Variants in GRM5 observed in about 807,000 individuals in gnomAD.
GRM5 encodes the protein glutamate metabotropic receptor 5, also known as metabotropic glutamate receptor 5.
In GRM5, 19 loss-of-function variants were observed where a neutral mutation model predicts 83.1. The ratio of observed to expected loss-of-function variants is 0.23; its 90% CI spans 0.16 to 0.34. The LOEUF (loss-of-function observed/expected upper bound fraction) is 0.34, where lower values mean the gene tolerates loss of function less well. GRM5 is among the 10% of genes least tolerant of loss of function. The pLI is 1.00. For missense variants in GRM5, 1,160 were observed against 1,588.3 expected (o/e 0.73, Z 4.58); for synonymous variants, 675 against 633.6 (o/e 1.07, Z -0.98).
intron 2 of GRM5, among the ~76,000 whole-genome samples, chr11:88,962,573 C>G (rs1938818614): frequency 6.6e-6 from 1 of 152,192 alleles, no homozygotes; most frequent in South Asian, 2.1e-4. Flanking sequence ...TGACATCTAT[C>G]CATTAATTCT....
At chr11:88,933,454 C>A (rs1274288195) in intron 2 of GRM5, among the ~76,000 whole-genome samples, 1 of 151,796 alleles carries the variant, frequency 6.6e-6, no homozygotes, top group East Asian at 1.9e-4. Flanking sequence ...TAAAAGCAAT[C>A]TCAACTGCTC....
Position 88,585,047 on chromosome 11 carries a change from G to A in GRM5, c.1690+5554C>T, listed in dbSNP as rs1302668230. Among the ~76,000 whole-genome samples the A allele has an allele frequency of 2.6e-5, 4 of 152,292 alleles. No homozygotes were observed. In the East Asian group the frequency reaches 5.8e-4, roughly 22 times the overall value. On this transcript the variant is annotated intron_variant, in intron 7 of 9. Transcript: ENST00000305447. The stretch of plus-strand genomic sequence containing the variant: ...AGCAGGTCATAAGACCCTCATGTGA[G>A]AGGTGCCCTTCTTAGACCTGGAGGG...
At chr11:88,538,471 A>C (rs557812483) in intron 8 of GRM5, among the ~76,000 whole-genome samples, 5 of 152,212 alleles carry the variant, frequency 3.3e-5, no homozygotes, top group Non-Finnish European at 7.4e-5. Flanking sequence ...AACTATAAGA[A>C]GGGTCTCCAT....
chr11:88,508,625 TATG>T lies in GRM5; in HGVS notation c.3603_3605del (p.Ile1202del). On this transcript the variant is annotated inframe_deletion, in exon 10 of 10. Coordinates refer to ENST00000305447, the MANE Select transcript of GRM5 (RefSeq NM_001143831.3). This position sits in a 1 kb window ranked among gnomAD's most constrained non-coding sequence, Gnocchi z 4.2. ...ACGAGGAGCTCTGAGTGTAATCTCTTATGATAAGAGTGTCATATTTGGGAGACG... is the reference window on the plus strand; with the variant it reads ...ACGAGGAGCTCTGAGTGTAATCTCTTATAAGAGTGTCATATTTGGGAGACG... The T allele has an allele frequency of 6.2e-7, 1 of 1,610,572 alleles. No individual in the cohort carries two copies. The highest frequency in any genetic ancestry group is 8.5e-7 in the Non-Finnish European group (1 of 1,178,504).
intron 2 of GRM5, among the ~76,000 whole-genome samples, chr11:88,958,423 C>T: frequency 6.6e-6 from 1 of 151,542 alleles, no homozygotes; most frequent in East Asian, 1.9e-4. Flanking sequence ...AAAAGAATTA[C>T]AAAAACAACT....
chr11:88,666,332 T>C (rs1360572686), intron 3 of GRM5, among the ~76,000 whole-genome samples: 1 of 152,216 alleles, frequency 6.6e-6, no homozygotes, highest in Non-Finnish European at 1.5e-5. Context: ...GTGAGGGCTT[T>C]TGTGCTGTAT....
chr11:89,046,868 G>A (rs2135150308), intron 2 of GRM5, among the ~76,000 whole-genome samples: 1 of 152,246 alleles, frequency 6.6e-6, no homozygotes, highest in South Asian at 2.1e-4. Context: ...ACAAAAATAT[G>A]AGGTGTTCAA....
At chr11:88,820,290 G>A (rs1312318139) in intron 3 of GRM5, among the ~76,000 whole-genome samples, 4 of 143,570 alleles carry the variant, frequency 2.8e-5, no homozygotes, top group African/African-American at 1.1e-4. Context: ...CAGGAGAATG[G>A]TGTGAACCCG....
chr11:88,583,576 T>A (rs1432867144), intron 7 of GRM5, among the ~76,000 whole-genome samples: 1 of 152,240 alleles, frequency 6.6e-6, no homozygotes, highest in Non-Finnish European at 1.5e-5. Context: ...TCTTTCCTTT[T>A]ACTTAGTTTA....
At chr11:89,016,464 T>C (rs1313771612) in intron 2 of GRM5, among the ~76,000 whole-genome samples, 1 of 152,092 alleles carries the variant, frequency 6.6e-6, no homozygotes, top group Non-Finnish European at 1.5e-5. Context: ...AATAATAGTC[T>C]TATAGAAAGA....
intron 2 of GRM5, among the ~76,000 whole-genome samples, chr11:88,864,185 G>A (rs1331369169): frequency 6.7e-6 from 1 of 149,674 alleles, no homozygotes; most frequent in African/African-American, 2.5e-5. Flanking sequence ...CTACAGTTGA[G>A]GCTATATGAT....
intron 3 of GRM5, among the ~76,000 whole-genome samples, chr11:88,760,669 CA>C (rs924898302): frequency 6.6e-6 from 1 of 151,894 alleles, no homozygotes; most frequent in African/African-American, 2.4e-5. Context: ...GAAACTATTT[CA>C]AAAAATTGAG....
intron 3 of GRM5, among the ~76,000 whole-genome samples, chr11:88,660,127 G>T (rs1005424112): frequency 6.6e-6 from 1 of 152,156 alleles, no homozygotes; most frequent in Admixed American, 6.5e-5. Flanking sequence ...GCCTGAATGG[G>T]CATTGCCAGC....
chr11:88,731,179 T>C lies in GRM5; in HGVS notation c.912-77776A>G, dbSNP rs533541216. ...AGTCCTTTATGATACACACTTATCA[T>C]ATGGACAAGGTTTTCATGACTTCAT... On this transcript the variant is annotated intron_variant, in intron 3 of 9. Coordinates refer to ENST00000305447, the MANE Select transcript of GRM5 (RefSeq NM_001143831.3). Among the ~76,000 whole-genome samples, 3 of 152,198 alleles carry C rather than the reference T, an allele frequency of 2.0e-5. No individual in the cohort carries two copies. The East Asian group carries it at 5.8e-4, about 29-fold the overall frequency.
intron 2 of GRM5, among the ~76,000 whole-genome samples, chr11:89,019,786 G>A (rs571078870): frequency 1.3e-5 from 2 of 152,280 alleles, no homozygotes; most frequent in South Asian, 4.1e-4. Flanking sequence ...TCTGATGCCA[G>A]AACCTGTAGA....
rs186908602 is a variant in GRM5, at chr11:88,628,413, C to T, written c.1148-23449G>A. On this transcript the variant is annotated intron_variant, in intron 4 of 9. Coordinates refer to ENST00000305447, the MANE Select transcript of GRM5 (RefSeq NM_001143831.3). ...AGATATGAAAGAAATTTAACTCATG[C>T]CTTGAATTTGTATCAATACTTCATT... 2.6e-5 allele frequency among the ~76,000 whole-genome samples: 4 copies of T among 152,264 alleles called. No individual in the cohort carries two copies. In the East Asian group the frequency reaches 5.8e-4, roughly 22 times the overall value.
chr11:89,060,224 A>G (rs1941961083), intron 1 of GRM5, among the ~76,000 whole-genome samples: 1 of 151,982 alleles, frequency 6.6e-6, no homozygotes, highest in East Asian at 1.9e-4. Context: ...ATGTATGTAT[A>G]TATATTTCCA....
At chr11:88,529,544 GAGA>G in intron 8 of GRM5, among the ~76,000 whole-genome samples, 1 of 151,988 alleles carries the variant, frequency 6.6e-6, no homozygotes, top group African/African-American at 2.4e-5. Flanking sequence ...AAAGCAGATG[GAGA>G]AGTATATAAA....
At chr11:89,033,331 C>A (rs1246772515) in intron 2 of GRM5, among the ~76,000 whole-genome samples, 1 of 148,916 alleles carries the variant, frequency 6.7e-6, no homozygotes, top group African/African-American at 2.6e-5. Flanking sequence ...ACCTTGAAAC[C>A]AAATTGTTTT....
Sources: allele counts gnomAD v4.1 joint callset (sites outside exome capture counted in the v4.1 genomes callset), GRCh38; gene constraint gnomAD v4.1.1; non-coding constraint Gnocchi (gnomAD v3.1); transcripts MANE v1.5; gene names NCBI Gene and HGNC (gene_info 2026-07-23, HGNC 2026-07-21).